Variants in EML4 observed in about 807,000 individuals in gnomAD.
EML4 encodes echinoderm microtubule-associated protein-like 4.
A neutral mutation model predicts 129.0 loss-of-function variants in EML4; 72 were observed. The observed-to-expected ratio is 0.56, with a 90% confidence interval of 0.46 to 0.68. EML4 has a LOEUF of 0.68. Ranked by LOEUF, EML4 falls within the 30% of genes least tolerant of loss-of-function variation. EML4 has a pLI of 0.00. For synonymous variants in EML4, 532 were observed against 405.0 expected (o/e 1.31, Z -3.77); for missense variants, 1,363 against 1,190.6 (o/e 1.14, Z -2.13).
intron 1 of EML4, among the ~76,000 whole-genome samples, chr2:42,239,442 C>G (rs1262177769): frequency 2.0e-5 from 3 of 152,130 alleles, no homozygotes; most frequent in African/African-American, 7.2e-5. Context: ...ATTCTTTAAA[C>G]TGTAATATTT....
intron 10 of EML4, 80 bp downstream of exon 10, chr2:42,286,459 G>A (rs1375683905): frequency 2.8e-5 from 24 of 844,422 alleles, no homozygotes; most frequent in Non-Finnish European, 4.7e-5. Context: ...GTGTTTATGT[G>A]GCCATGAAGT....
intron 1 of EML4, among the ~76,000 whole-genome samples, chr2:42,192,013 C>T (rs1671613304): frequency 6.6e-6 from 1 of 151,896 alleles, no homozygotes; most frequent in African/African-American, 2.4e-5. Context: ...GTGGCACATG[C>T]CTGTAATTCC....
intron 1 of EML4, among the ~76,000 whole-genome samples, chr2:42,179,255 G>A (rs1476402338): frequency 1.5e-5 from 2 of 129,344 alleles, no homozygotes; most frequent in East Asian, 2.0e-4. Flanking sequence ...AAAACGTCGG[G>A]GAGCTGGGTT....
intron 1 of EML4, among the ~76,000 whole-genome samples, chr2:42,179,222 A>T (rs995647166): frequency 6.6e-6 from 1 of 151,436 alleles, no homozygotes; most frequent in African/African-American, 2.4e-5. Context: ...TTTAAACTCC[A>T]GATGGGGAAC....
At chr2:42,293,705 G>A (rs925718059) in intron 11 of EML4, among the ~76,000 whole-genome samples, 1 of 152,142 alleles carries the variant, frequency 6.6e-6, no homozygotes, top group African/African-American at 2.4e-5. Flanking sequence ...TCTGCCTCCC[G>A]GGTTCAAGCA....
intron 1 of EML4, among the ~76,000 whole-genome samples, chr2:42,234,585 A>G (rs776900491): frequency 1.1e-4 from 17 of 152,144 alleles, no homozygotes; most frequent in Non-Finnish European, 2.1e-4. Flanking sequence ...TCTCCCTGTA[A>G]ATATATGTGT....
chr2:42,284,849 T>A, intron 9 of EML4, 146 bp downstream of exon 9: 1 of 524,330 alleles, frequency 1.9e-6, no homozygotes, highest in Non-Finnish European at 3.2e-6. Flanking sequence ...GAAAAAACAT[T>A]AGGATATAAG....
chr2:42,299,271 A>G (rs1668138892), intron 13 of EML4, among the ~76,000 whole-genome samples: 11 of 152,230 alleles, frequency 7.2e-5, no homozygotes, highest in Admixed American at 7.2e-4. Flanking sequence ...AAACTGAGAC[A>G]TAATTTTTTT....
intron 1 of EML4, among the ~76,000 whole-genome samples, chr2:42,191,831 G>T (rs868019687): frequency 2.6e-5 from 4 of 151,806 alleles, no homozygotes; most frequent in Admixed American, 2.6e-4. Flanking sequence ...AGGCTGAGGC[G>T]GGCGGATCAC....
intron 1 of EML4, among the ~76,000 whole-genome samples, chr2:42,187,972 T>A (rs1016830199): frequency 1.3e-5 from 2 of 152,180 alleles, no homozygotes; most frequent in Admixed American, 1.3e-4. Context: ...TTTGCTCTTA[T>A]TTTTAGGTCG....
chr2:42,249,841 A>G (rs185755198), intron 2 of EML4, among the ~76,000 whole-genome samples: 1 of 152,150 alleles, frequency 6.6e-6, no homozygotes, highest in African/African-American at 2.4e-5. Context: ...TTTTTCATAT[A>G]CCTTCTCCTC....
intron 16 of EML4, among the ~76,000 whole-genome samples, chr2:42,303,653 A>G (rs529571886): frequency 6.6e-6 from 1 of 152,146 alleles, no homozygotes; most frequent in Non-Finnish European, 1.5e-5. Context: ...AGGCCGGGCA[A>G]GGTGGCTCAC....
chr2:42,295,591 G>T, intron 13 of EML4, 75 bp downstream of exon 13: 1 of 1,343,138 alleles, frequency 7.4e-7, no homozygotes, highest in Non-Finnish European at 1.0e-6. Flanking sequence ...TCTTAGACCA[G>T]GAGAGAAAGA....
intron 1 of EML4, among the ~76,000 whole-genome samples, chr2:42,196,781 A>G (rs972863583): frequency 2.0e-5 from 3 of 152,208 alleles, no homozygotes; most frequent in Admixed American, 6.6e-5. Flanking sequence ...CTGCCCATGC[A>G]GGAGTTTGTG....
intron 17 of EML4, among the ~76,000 whole-genome samples, chr2:42,307,181 A>G (rs984893874): frequency 2.0e-5 from 3 of 152,222 alleles, no homozygotes; most frequent in East Asian, 1.9e-4. Context: ...CACGGCCCCA[A>G]TTTGTAGGGA....
chr2:42,244,065 G>GT (rs201319599), intron 1 of EML4, among the ~76,000 whole-genome samples: 28 of 143,706 alleles, frequency 1.9e-4, no homozygotes, highest in Admixed American at 2.7e-4. Flanking sequence ...AGCAATTAAT[G>GT]TTTTTTTTGT....
intron 1 of EML4, among the ~76,000 whole-genome samples, chr2:42,236,792 T>C (rs1205349008): frequency 6.6e-6 from 1 of 152,162 alleles, no homozygotes; most frequent in Non-Finnish European, 1.5e-5. Flanking sequence ...TTGGAGAGCT[T>C]GTATCCCTCC....
chr2:42,238,259 C>G (rs1322406148), intron 1 of EML4, among the ~76,000 whole-genome samples: 1 of 152,108 alleles, frequency 6.6e-6, no homozygotes, highest in Non-Finnish European at 1.5e-5. Flanking sequence ...GGATACTCAA[C>G]CTGTAATATG....
At chr2:42,270,106 G>A (rs1325453490) in intron 6 of EML4, among the ~76,000 whole-genome samples, 1 of 152,096 alleles carries the variant, frequency 6.6e-6, no homozygotes, top group African/African-American at 2.4e-5. Context: ...TGAGACTTTG[G>A]GTCTCAGTTT....
Sources: gnomAD v4.1 joint callset for allele counts (sites outside exome capture counted in the v4.1 genomes callset) on GRCh38, gnomAD v4.1.1 for gene constraint, MANE v1.5 for transcripts, NCBI Gene and HGNC (gene_info 2026-07-23, HGNC 2026-07-21) for gene names.